The following EIF3H variants were observed in gnomAD, a reference collection of about 807,000 sequenced individuals.
EIF3H encodes the protein eukaryotic translation initiation factor 3 subunit H, also known as eIF-3-gamma.
Under a neutral mutation model 44.2 loss-of-function variants are expected in EIF3H, and 26 were observed. The ratio of observed to expected loss-of-function variants is 0.59; its 90% confidence interval spans 0.43 to 0.82. The LOEUF (loss-of-function observed/expected upper bound fraction) is 0.82. Among genes scored for constraint, EIF3H ranks in the 40% least tolerant of loss-of-function variants. The pLI is 0.00. For missense variants in EIF3H, 359 were observed against 432.8 expected, an observed-to-expected ratio of 0.83 and a Z score of 1.51; for synonymous variants, 166 against 151.9, an observed-to-expected ratio of 1.09 and a Z score of -0.68.
intron 2 of EIF3H, among the ~76,000 whole-genome samples, chr8:116,724,433 A>C (rs925687520): frequency 6.6e-5 from 10 of 152,218 alleles, no homozygotes; most frequent in African/African-American, 2.2e-4. Flanking sequence ...AGGCAACAAA[A>C]GCAAGAACAG....
intron 1 of EIF3H, among the ~76,000 whole-genome samples, chr8:116,726,408 T>C (rs139468831): frequency 3.3e-5 from 5 of 152,288 alleles, no homozygotes; most frequent in East Asian, 1.9e-4. Flanking sequence ...AAAACGTCCA[T>C]CTACAGCAGT....
intron 2 of EIF3H, among the ~76,000 whole-genome samples, chr8:116,673,316 A>G (rs949615257): frequency 8.5e-5 from 13 of 152,218 alleles, no homozygotes; most frequent in Admixed American, 7.2e-4. Context: ...ATATCTAAAA[A>G]TTAATATTTC....
chr8:116,648,632 C>T (rs1336482544), intron 6 of EIF3H, among the ~76,000 whole-genome samples, 174 bp downstream of exon 6: 1 of 152,100 alleles, frequency 6.6e-6, no homozygotes, highest in Non-Finnish European at 1.5e-5. Flanking sequence ...TAAGTATAAC[C>T]TGTAAATAAT....
chr8:116,763,836 T>C (rs1815542294), intron 1 of EIF3H, among the ~76,000 whole-genome samples: 1 of 152,196 alleles, frequency 6.6e-6, no homozygotes, highest in African/African-American at 2.4e-5. Context: ...TATACTAACA[T>C]TGATGAAATT....
chr8:116,674,560 A>C (rs1304504937), intron 2 of EIF3H, among the ~76,000 whole-genome samples: 2 of 152,114 alleles, frequency 1.3e-5, no homozygotes, highest in Non-Finnish European at 2.9e-5. Context: ...AAAAGAAAAC[A>C]CCTAGTACCT....
At chr8:116,668,562 A>T (rs754506174) in intron 2 of EIF3H, among the ~76,000 whole-genome samples, 4 of 152,144 alleles carry the variant, frequency 2.6e-5, no homozygotes, top group African/African-American at 4.8e-5. Flanking sequence ...TAGTGCTCCT[A>T]AACTGTGGGA....
intron 1 of EIF3H, among the ~76,000 whole-genome samples, chr8:116,748,550 T>C (rs1815277482): frequency 6.6e-6 from 1 of 152,156 alleles, no homozygotes. Flanking sequence ...TTCAAGAAAA[T>C]TTCCACACAA....
chr8:116,714,786 G>A (rs1394824400), intron 2 of EIF3H, among the ~76,000 whole-genome samples: 2 of 151,958 alleles, frequency 1.3e-5, no homozygotes, highest in African/African-American at 4.8e-5. Context: ...TACAGATAGG[G>A]GGTAAGACAA....
At chr8:116,699,239 A>T (rs1814327438) in intron 2 of EIF3H, among the ~76,000 whole-genome samples, 1 of 152,232 alleles carries the variant, frequency 6.6e-6, no homozygotes, top group Non-Finnish European at 1.5e-5. Flanking sequence ...TAAACTACTC[A>T]ACTGTATCAT....
intron 2 of EIF3H, among the ~76,000 whole-genome samples, chr8:116,678,991 G>C (rs1813909431): frequency 1.3e-5 from 1 of 76,378 alleles, no homozygotes; most frequent in Non-Finnish European, 3.7e-5. Context: ...GGAGGGAGGT[G>C]GGGGGGTCAG....
At position 116,713,206 on chromosome 8, in the gene EIF3H, A is replaced by G. The variant is rs552992155; in HGVS notation, c.289+12810T>C. Among the ~76,000 whole-genome samples the G allele has an allele frequency of 2.6e-5, 4 of 152,284 alleles. No homozygotes were observed. In the South Asian group the frequency reaches 8.3e-4, roughly 32 times the overall value. The stretch of plus-strand genomic sequence containing the variant: ...ACTTGGGGAAACTTAGGAATTTTAA[A>G]TACTATTTAAGCACTGTATCCACCT... On this transcript the variant is annotated intron_variant, in intron 2 of 7. Transcript: ENST00000521861.
At position 116,646,457 on chromosome 8, in the gene EIF3H, C is replaced by T. The variant is rs377671744; in HGVS notation, c.961+14G>A. 1.1e-5 allele frequency: 18 copies of T among 1,614,110 alleles called. No individual in the cohort carries two copies. Among genetic ancestry groups the T allele is most frequent in the Non-Finnish European group, 1.5e-5 (18 of 1,179,992 alleles). On this transcript the variant is annotated intron_variant, in intron 7 of 7. Transcript: ENST00000521861. ...CGAACAAAACCAGCCAGGTTTTGCA[C>T]TGGGCAACAATACCTGCAATGAGCA... is the stretch of plus-strand genomic sequence containing the variant.
At chr8:116,649,446 T>C (rs985768733) in intron 5 of EIF3H, among the ~76,000 whole-genome samples, 5 of 152,168 alleles carry the variant, frequency 3.3e-5, no homozygotes, top group Non-Finnish European at 5.9e-5. Context: ...CTAGAATCTG[T>C]AGTACAGTCT....
chr8:116,710,983 TAAGA>T (rs1379366120), intron 2 of EIF3H, among the ~76,000 whole-genome samples: 3 of 152,332 alleles, frequency 2.0e-5, no homozygotes, highest in East Asian at 3.9e-4. Flanking sequence ...TTGCCATACA[TAAGA>T]AATATATATA....
At chr8:116,680,998 C>T (rs1365280409) in intron 2 of EIF3H, among the ~76,000 whole-genome samples, 2 of 149,960 alleles carry the variant, frequency 1.3e-5, no homozygotes, top group Non-Finnish European at 3.0e-5. Context: ...GTTTACAGTA[C>T]AGCTTAAATA....
chr8:116,695,067 C>CTTTT (rs767166377), intron 2 of EIF3H, among the ~76,000 whole-genome samples: 2 of 133,564 alleles, frequency 1.5e-5, no homozygotes, highest in East Asian at 2.1e-4. Flanking sequence ...CTTCCTAATT[C>CTTTT]TTTTTTTTTT....
chr8:116,710,077 T>C (rs1263171051), intron 2 of EIF3H, among the ~76,000 whole-genome samples: 1 of 152,194 alleles, frequency 6.6e-6, no homozygotes, highest in Non-Finnish European at 1.5e-5. Context: ...CTTTCCATGC[T>C]CTTTTCTCAT....
At chr8:116,689,383 T>G (rs1313874697) in intron 2 of EIF3H, among the ~76,000 whole-genome samples, 1 of 152,184 alleles carries the variant, frequency 6.6e-6, no homozygotes, top group Non-Finnish European at 1.5e-5. Context: ...AATTGTACAC[T>G]TTAAACGGGT....
At chr8:116,750,206 T>C (rs1443687924) in intron 1 of EIF3H, among the ~76,000 whole-genome samples, 1 of 152,294 alleles carries the variant, frequency 6.6e-6, no homozygotes, top group Non-Finnish European at 1.5e-5. Flanking sequence ...ACAGAATACA[T>C]CTGGAGTATA....
Sources: allele counts gnomAD v4.1 joint callset (sites outside exome capture counted in the v4.1 genomes callset), GRCh38; gene constraint gnomAD v4.1.1; transcripts MANE v1.5; gene names NCBI Gene and HGNC (gene_info 2026-07-23, HGNC 2026-07-21).